Variants in DNAJB6 observed in about 807,000 individuals in gnomAD.
DNAJB6 encodes the protein dnaJ homolog subfamily B member 6.
A neutral mutation model predicts 42.7 loss-of-function variants in DNAJB6; 16 were observed. That is an observed-to-expected ratio of 0.37 (90% confidence interval 0.25 to 0.57). The LOEUF is 0.57. Ranked by LOEUF, DNAJB6 falls within the 20% of genes least tolerant of loss-of-function variation. The pLI is 0.74. For missense variants in DNAJB6, 347 were observed against 416.8 expected, an observed-to-expected ratio of 0.83 and a Z score of 1.46; for synonymous variants, 170 against 163.5, an observed-to-expected ratio of 1.04 and a Z score of -0.30.
intron 8 of DNAJB6, among the ~76,000 whole-genome samples, chr7:157,404,592 C>A (rs1023603192): frequency 2.0e-5 from 3 of 149,232 alleles, no homozygotes; most frequent in African/African-American, 7.5e-5. Flanking sequence ...CTCACTGCAA[C>A]CTCTGCCTCC....
chr7:157,365,348 G>A (rs79861776), intron 3 of DNAJB6, among the ~76,000 whole-genome samples: 11,021 of 152,280 alleles, frequency 0.072, 599 homozygotes, highest in African/African-American at 0.16. Context: ...GTAGCATTTG[G>A]AATGTAAGTG....
At position 157,401,469 on chromosome 7, in the gene DNAJB6, C is replaced by T. The variant is rs186179879; in HGVS notation, c.692-8326C>T. 2.6e-3 allele frequency among the ~76,000 whole-genome samples: 396 copies of T among 152,300 alleles called. 2 individuals are homozygous for T. The highest frequency in any genetic ancestry group is 0.017 in the Middle Eastern group (5 of 294). ...CAGGTGATCTGCCTGCCTCGGCCTC[C>T]CAAAGTGCTGGCATTACAGGCATGA... is the stretch of plus-strand genomic sequence containing the variant. On this transcript the variant is annotated intron_variant, in intron 8 of 9. Transcript: ENST00000262177.
chr7:157,386,883 CAA>C (rs112149325), intron 8 of DNAJB6, among the ~76,000 whole-genome samples: 2 of 132,896 alleles, frequency 1.5e-5, no homozygotes, highest in African/African-American at 2.7e-5. Flanking sequence ...GCCTTCATCT[CAA>C]AAAAAAAAAA....
At chr7:157,363,051 C>T (rs984740105) in intron 2 of DNAJB6, 110 bp from the exon 3 acceptor site, 2 of 659,244 alleles carry the variant, frequency 3.0e-6, no homozygotes, top group East Asian at 3.0e-5. Context: ...CAGTATTCAT[C>T]TCACCAGTTG....
intron 8 of DNAJB6, among the ~76,000 whole-genome samples, chr7:157,404,959 T>C (rs1440055241): frequency 6.6e-6 from 1 of 152,204 alleles, no homozygotes; most frequent in Non-Finnish European, 1.5e-5. Flanking sequence ...TTTAAAAGGA[T>C]TGGTGTAACA....
chr7:157,350,153 G>T (rs904435102), intron 1 of DNAJB6, among the ~76,000 whole-genome samples: 1 of 152,094 alleles, frequency 6.6e-6, no homozygotes, highest in African/African-American at 2.4e-5. Context: ...GAGAGCTGTG[G>T]GTCTTGTTAT....
chr7:157,351,012 G>T (rs1407321532), intron 1 of DNAJB6, among the ~76,000 whole-genome samples: 1 of 150,970 alleles, frequency 6.6e-6, no homozygotes, highest in Non-Finnish European at 1.5e-5. Flanking sequence ...GCGGCTCACT[G>T]CAGCCTCCGT....
intron 8 of DNAJB6, among the ~76,000 whole-genome samples, chr7:157,403,216 G>C (rs539741336): frequency 8.5e-5 from 13 of 152,298 alleles, no homozygotes; most frequent in Admixed American, 5.2e-4. Context: ...CATATGAGAG[G>C]GGGTAGGGGA....
chr7:157,344,781 G>A (rs1007565881), intron 1 of DNAJB6, among the ~76,000 whole-genome samples: 1 of 151,758 alleles, frequency 6.6e-6, no homozygotes, highest in Admixed American at 6.6e-5. Flanking sequence ...ACCCTACTGA[G>A]TTTTTATATT....
intron 8 of DNAJB6, among the ~76,000 whole-genome samples, chr7:157,397,411 C>G (rs144661175): frequency 1.3e-5 from 2 of 152,184 alleles, no homozygotes; most frequent in African/African-American, 4.8e-5. Context: ...TGTGTCGCTG[C>G]GGTGGTGTGT....
At chr7:157,355,087 A>C (rs950303417) in intron 1 of DNAJB6, among the ~76,000 whole-genome samples, 1 of 152,214 alleles carries the variant, frequency 6.6e-6, no homozygotes, top group African/African-American at 2.4e-5. Flanking sequence ...GTAATGGGAA[A>C]GGATGAAAAC....
chr7:157,384,773 A>T (rs895615053), intron 6 of DNAJB6, 94 bp from the exon 7 acceptor site: 1 of 1,285,180 alleles, frequency 7.8e-7, no homozygotes, highest in African/African-American at 1.5e-5. Context: ...ATGCCTTAAC[A>T]TTAAATATTC....
chr7:157,357,874 C>T (rs529611918), intron 1 of DNAJB6, among the ~76,000 whole-genome samples: 3 of 152,330 alleles, frequency 2.0e-5, no homozygotes, highest in African/African-American at 7.2e-5. Flanking sequence ...TTCCACCTTC[C>T]ATTCGGTAGT....
rs6459768 is a variant in DNAJB6, at chr7:157,347,146, C to T, written c.-27+10002C>T. 5.5e-3 allele frequency among the ~76,000 whole-genome samples: 844 copies of T among 152,280 alleles called. 11 individuals carry two copies. Among genetic ancestry groups the T allele is most frequent in the African/African-American group, 0.018 (766 of 41,558 alleles). ...CTGGGATTACAGGCATGAGCCACCG[C>T]GCCCGGCCAGCTATTTTCATTTTGT... is the stretch of plus-strand genomic sequence containing the variant. On this transcript the variant is annotated intron_variant, in intron 1 of 9. Coordinates refer to ENST00000262177, the MANE Select transcript of DNAJB6 (RefSeq NM_058246.4).
chr7:157,405,277 G>A (rs964085396), intron 8 of DNAJB6, among the ~76,000 whole-genome samples: 1 of 152,232 alleles, frequency 6.6e-6, no homozygotes, highest in Non-Finnish European at 1.5e-5. Flanking sequence ...CTTTGCCATG[G>A]GAGAGGGTGT....
At chr7:157,373,858 T>A (rs1172196974) in intron 5 of DNAJB6, among the ~76,000 whole-genome samples, 1 of 152,064 alleles carries the variant, frequency 6.6e-6, no homozygotes, top group East Asian at 1.9e-4. Flanking sequence ...TTAGAAGAAG[T>A]TAAGGAGTCT....
At chr7:157,378,414 C>T (rs898274510) in intron 5 of DNAJB6, 1 of 152,232 alleles carries the variant, frequency 6.6e-6, no homozygotes, top group African/African-American at 2.4e-5. Context: ...GGTCTTGCCC[C>T]TCCACCCCAG....
At chr7:157,391,454 A>C (rs1801338613) in intron 8 of DNAJB6, among the ~76,000 whole-genome samples, 1 of 152,182 alleles carries the variant, frequency 6.6e-6, no homozygotes, top group Non-Finnish European at 1.5e-5. Context: ...TGGTCCCTGC[A>C]CAGATGAATT....
At chr7:157,401,800 C>T (rs1795529047) in intron 8 of DNAJB6, among the ~76,000 whole-genome samples, 1 of 152,192 alleles carries the variant, frequency 6.6e-6, no homozygotes, top group Non-Finnish European at 1.5e-5. Context: ...GTGAGTGTGC[C>T]CTGACCTCTG....
Sources: gnomAD v4.1 joint callset for allele counts (sites outside exome capture counted in the v4.1 genomes callset) on GRCh38, gnomAD v4.1.1 for gene constraint, MANE v1.5 for transcripts, NCBI Gene and HGNC (gene_info 2026-07-23, HGNC 2026-07-21) for gene names.